The following ITGA9 variants were observed in gnomAD, a reference collection of about 807,000 sequenced individuals.
The protein encoded by ITGA9 is integrin subunit alpha 9.
In ITGA9, 56 loss-of-function variants were observed where a neutral mutation model predicts 127.8. The observed-to-expected ratio is 0.44, with a 90% CI of 0.35 to 0.55. The LOEUF (loss-of-function observed/expected upper bound fraction) is 0.55, where lower values mean the gene tolerates loss of function less well. Among genes scored for constraint, ITGA9 ranks in the 20% least tolerant of loss-of-function variants. The probability of loss-of-function intolerance (pLI) is 0.00; values close to 1 mark genes in which losing one functional copy is unlikely to be tolerated. For synonymous variants in ITGA9, 508 were observed against 514.5 expected (o/e 0.99, Z 0.17); for missense variants, 1,196 against 1,347.1 (o/e 0.89, Z 1.76).
intron 27 of ITGA9, chr3:37,807,546 G>C (rs962233809): frequency 6.6e-6 from 1 of 152,362 alleles, no homozygotes; most frequent in Admixed American, 6.5e-5. Context: ...GAGCATGGGA[G>C]GTCTGTGAGC....
intron 17 of ITGA9, among the ~76,000 whole-genome samples, chr3:37,657,419 GA>G (rs1700489063): frequency 6.6e-6 from 1 of 152,158 alleles, no homozygotes; most frequent in South Asian, 2.1e-4. Context: ...TTAGTTTTGG[GA>G]GGGTGTATGT....
chr3:37,615,894 T>C (rs1700069603), intron 15 of ITGA9, among the ~76,000 whole-genome samples: 1 of 152,254 alleles, frequency 6.6e-6, no homozygotes, highest in African/African-American at 2.4e-5. Flanking sequence ...ATCAATTTTG[T>C]TGATCTTTTC....
At chr3:37,592,340 G>A (rs1436427219) in intron 15 of ITGA9, among the ~76,000 whole-genome samples, 2 of 152,100 alleles carry the variant, frequency 1.3e-5, no homozygotes, top group East Asian at 1.9e-4. Context: ...CCTCCACGTG[G>A]TGATTCTGGG....
At chr3:37,490,490 G>A (rs1371044775) in intron 4 of ITGA9, among the ~76,000 whole-genome samples, 1 of 152,144 alleles carries the variant, frequency 6.6e-6, no homozygotes, top group Non-Finnish European at 1.5e-5. Flanking sequence ...GTGTTAAAAA[G>A]CTTTGAAAGA....
In ITGA9 at chr3:37,777,719, A is replaced by G; in HGVS notation, c.2667+202A>G. On this transcript the variant is annotated intron_variant, in intron 24 of 27. Transcript: ENST00000264741. Reference sequence around the variant, plus strand: ...TACATTCCAAATCCTATTACCTGGAAAAGGGATAAATCTTTGCAACCCACC... The same window carrying G: ...TACATTCCAAATCCTATTACCTGGAGAAGGGATAAATCTTTGCAACCCACC... Among the ~76,000 whole-genome samples the G allele has an allele frequency of 1.3e-5, 2 of 152,246 alleles. 1 individual carries two copies. Among genetic ancestry groups the G allele is most frequent in the Non-Finnish European group, 2.9e-5 (2 of 68,044 alleles).
intron 17 of ITGA9, among the ~76,000 whole-genome samples, chr3:37,679,165 CA>C (rs567867442): frequency 2.3e-3 from 344 of 151,956 alleles, no homozygotes; most frequent in African/African-American, 6.9e-3. Flanking sequence ...CAAAGAGATC[CA>C]TGTACAAAGT....
At chr3:37,701,361 G>T (rs959267343) in intron 18 of ITGA9, among the ~76,000 whole-genome samples, 1 of 152,198 alleles carries the variant, frequency 6.6e-6, no homozygotes, top group Non-Finnish European at 1.5e-5. Context: ...TGTTTGGGAG[G>T]TGAAGATAGG....
chr3:37,765,849 C>T (rs1413613630), intron 23 of ITGA9, among the ~76,000 whole-genome samples: 3 of 152,212 alleles, frequency 2.0e-5, no homozygotes, highest in Non-Finnish European at 2.9e-5. Flanking sequence ...AGGCGCCCGG[C>T]CTTATCAAGG....
chr3:37,452,427 T>G lies in ITGA9; in HGVS notation c.53T>G (p.Leu18Arg). ...RGAGRLRALL[L>R]ALVVAGIPAG... is the part of the protein sequence containing the mutation. ...GCCGGGAGGCTCCGCGCGCTGCTGC[T>G]GGCGCTGGTGGTCGCGGGGATCCCC... Residue 18 changes from leucine (L) to arginine (R), a missense_variant, in exon 1 of 28, where the codon CTG becomes CGG. Leu to Arg is a moderately radical substitution (Grantham distance 102). Coordinates refer to ENST00000264741, the MANE Select transcript of ITGA9 (RefSeq NM_002207.3). The surrounding 1 kb of genome is among the most constrained non-coding windows in gnomAD (Gnocchi z 7.3). 6.8e-7 allele frequency: 1 copy of G among 1,464,306 alleles called. No individual in the cohort carries two copies. Among genetic ancestry groups the G allele is most frequent in the Non-Finnish European group, 9.0e-7 (1 of 1,106,266 alleles). The allele number at this position is 1,464,306 out of a possible 1,614,324, so 90.7% of individuals were successfully genotyped here.
intron 23 of ITGA9, among the ~76,000 whole-genome samples, chr3:37,768,286 T>C (rs2125545940): frequency 6.6e-6 from 1 of 152,302 alleles, no homozygotes; most frequent in South Asian, 2.1e-4. Flanking sequence ...TTATTTATCT[T>C]TCTAGAACTA....
intron 7 of ITGA9, among the ~76,000 whole-genome samples, chr3:37,507,848 G>T (rs1267634712): frequency 6.6e-6 from 1 of 151,998 alleles, no homozygotes; most frequent in Non-Finnish European, 1.5e-5. Flanking sequence ...ATTTACACTG[G>T]TTCTCATGAG....
intron 21 of ITGA9, 21 bp from the exon 22 acceptor site, chr3:37,743,905 T>C: frequency 6.4e-7 from 1 of 1,554,048 alleles, no homozygotes; most frequent in Non-Finnish European, 8.9e-7. Context: ...GGATGACAGA[T>C]TTCATGCTTT....
rs1218849553 is a variant in ITGA9 at position 37,578,516 on chromosome 3, TTCACCCA to T, written c.1689+35934_1689+35940del. On this transcript the variant is annotated intron_variant, in intron 15 of 27. Coordinates refer to ENST00000264741, the MANE Select transcript of ITGA9 (RefSeq NM_002207.3). ...CCATTCCCTTAGGGAGTTCCTTCCT[TTCACCCA>T]TCTTTTTCTCCCCATGGCTTGGCCA... Among the ~76,000 whole-genome samples, 272 of 152,290 alleles carry T rather than the reference TTCACCCA, an allele frequency of 1.8e-3. 4 individuals carry two copies. The highest frequency in any genetic ancestry group is 1.2e-4 in the Non-Finnish European group (8 of 68,024).
At chr3:37,770,109 C>G (rs1696825338) in intron 23 of ITGA9, among the ~76,000 whole-genome samples, 2 of 152,192 alleles carry the variant, frequency 1.3e-5, no homozygotes, top group African/African-American at 4.8e-5. Context: ...TGATAAATGT[C>G]TCTGTGCTGC....
At chr3:37,778,252 C>A in intron 24 of ITGA9, among the ~76,000 whole-genome samples, 1 of 152,118 alleles carries the variant, frequency 6.6e-6, no homozygotes, top group Non-Finnish European at 1.5e-5. Flanking sequence ...CATGAGGGAG[C>A]CTGCTTAGAT....
intron 2 of ITGA9, among the ~76,000 whole-genome samples, chr3:37,472,228 A>G (rs1293966700): frequency 3.9e-5 from 6 of 152,246 alleles, no homozygotes; most frequent in African/African-American, 7.2e-5. Context: ...TAATATACCT[A>G]CCTCGCAAGG....
intron 23 of ITGA9, among the ~76,000 whole-genome samples, chr3:37,758,329 CAAAAAAAAAA>C (rs57505967): frequency 4.5e-5 from 3 of 65,976 alleles, no homozygotes; most frequent in African/African-American, 1.3e-4. Flanking sequence ...GACTCCGTCT[CAAAAAAAAAA>C]AAAAAAAAAA....
At chr3:37,572,649 A>G (rs1699612731) in intron 15 of ITGA9, among the ~76,000 whole-genome samples, 1 of 152,232 alleles carries the variant, frequency 6.6e-6, no homozygotes, top group South Asian at 2.1e-4. Flanking sequence ...GAGACATCCA[A>G]AGACGTCTCA....
chr3:37,562,565 G>A (rs62241483), intron 15 of ITGA9, among the ~76,000 whole-genome samples: 8,040 of 152,272 alleles, frequency 0.053, 326 homozygotes, highest in South Asian at 0.15. Flanking sequence ...CCCACGGCAC[G>A]GAGGTTCAGT....
Sources: gnomAD v4.1 joint callset for allele counts (sites outside exome capture counted in the v4.1 genomes callset) on GRCh38, gnomAD v4.1.1 for gene constraint, Gnocchi (gnomAD v3.1) non-coding constraint, MANE v1.5 for transcripts, NCBI Gene and HGNC (gene_info 2026-07-23, HGNC 2026-07-21) for gene names.